Variants in IER5 observed in about 807,000 individuals in gnomAD.
IER5 encodes immediate early response gene 5 protein.
In IER5, 3 loss-of-function variants were observed where a neutral mutation model predicts 8.2. The ratio of observed to expected loss-of-function variants is 0.36; its 90% CI spans 0.17 to 0.94. IER5 has a LOEUF of 0.94. Among genes scored for constraint, IER5 ranks in the 40% least tolerant of loss-of-function variants. IER5 has a pLI of 0.43. For missense variants in IER5, 531 were observed against 494.3 expected, an observed-to-expected ratio of 1.07 and a Z score of -0.70; for synonymous variants, 286 against 230.1, an observed-to-expected ratio of 1.24 and a Z score of -2.20.
chr1:181,088,778 G>C lies in IER5; in HGVS notation c.-125G>C, dbSNP rs577110268. On this transcript the variant is annotated 5_prime_UTR_variant, in exon 1 of 1. Transcript: ENST00000367577. ...GAGCAGCGCGCGCGTCACCAGAGTC[G>C]TTTCTCTTCGGAGTCTTAGGTGATC... The C allele has an allele frequency of 8.2e-5, 60 of 736,180 alleles. 2 individuals are homozygous for C. The East Asian group carries it at 1.9e-3, about 24-fold the overall frequency. The allele number at this position is 736,180 out of a possible 1,614,324, so 45.6% of individuals were successfully genotyped here. A position where few individuals can be genotyped will look rare whatever the true frequency, so the allele number is the denominator to read the frequency against.
rs1293551911 is a variant in IER5, at chr1:181,089,479, C to A, written c.577C>A (p.Pro193Thr). 9 of 1,344,610 alleles carry A rather than the reference C, an allele frequency of 6.7e-6. No individual in the cohort carries two copies. The highest frequency in any genetic ancestry group is 7.6e-6 in the Non-Finnish European group (8 of 1,047,300). 83.3% of individuals were successfully genotyped at this position (1,344,610 alleles called of 1,614,324 possible). ...CCCGCCGGGTACACCGGCCGCGACC[C>A]CCCGCGCTGCCTGCTGCTGCGCGCC... ...EDPPGTPAAT[P>T]RAACCCAPQP... Residue 193 changes from proline to threonine, a missense_variant, in exon 1 of 1, where the codon CCC becomes ACC. By Grantham distance (38) the Pro-to-Thr change is conservative. Coordinates refer to ENST00000367577, the MANE Select transcript of IER5 (RefSeq NM_016545.5).
Position 181,089,427 on chromosome 1 carries a change from C to T in IER5, c.525C>T (p.Pro175=), listed in dbSNP as rs1282723710. The T allele has an allele frequency of 8.6e-6, 12 of 1,402,108 alleles. No individual in the cohort carries two copies. The highest frequency in any genetic ancestry group is 1.1e-5 in the Non-Finnish European group (12 of 1,076,862). 86.9% of individuals were successfully genotyped at this position (1,402,108 alleles called of 1,614,324 possible). Residue 175 remains proline, a synonymous_variant, in exon 1 of 1, where the codon CCC becomes CCT. Transcript: ENST00000367577. ...FPEVSRAARR[P]CGCPLGGEDP... ...AGGTATCTCGTGCCGCGCGCCGCCC[C>T]TGCGGCTGCCCCCTAGGCGGGGAGG...
chr1:181,090,177 A>C lies in IER5; in HGVS notation c.*291A>C. 9.0e-6 allele frequency: 4 copies of C among 444,638 alleles called. No homozygotes were observed. Among genetic ancestry groups the C allele is most frequent in the Non-Finnish European group, 1.7e-5 (4 of 242,198 alleles). 27.5% of individuals were successfully genotyped at this position (444,638 alleles called of 1,614,324 possible). A position where few individuals can be genotyped will look rare whatever the true frequency, so the allele number is the denominator to read the frequency against. ...CTATTTTGCTCTTCTGGAATGCACC[A>C]CTCCTTCCCCAGGGTTTAAGAGATT... is the stretch of plus-strand genomic sequence containing the variant. On this transcript the variant is annotated 3_prime_UTR_variant, in exon 1 of 1. Coordinates refer to ENST00000367577, the MANE Select transcript of IER5 (RefSeq NM_016545.5).
Position 181,089,830 on chromosome 1 carries a change from G to C in IER5, c.928G>C (p.Asp310His). 6.2e-7 allele frequency: 1 copy of C among 1,613,706 alleles called. No homozygotes were observed. The highest frequency in any genetic ancestry group is 8.5e-7 in the Non-Finnish European group (1 of 1,179,928). ...EAAEPGQICC[D>H]KPVLRDMNPW... ...CGCCGAGCCCGGGCAGATCTGCTGCGATAAGCCGGTGCTGAGAGACATGAA... is the reference window on the plus strand; with the variant it reads ...CGCCGAGCCCGGGCAGATCTGCTGCCATAAGCCGGTGCTGAGAGACATGAA... Residue 310 changes from aspartate (D) to histidine (H), a missense_variant, in exon 1 of 1, where the codon GAT (aspartate) becomes CAT (histidine). Asp to His is a moderately conservative substitution (Grantham distance 81, BLOSUM62 -1). Transcript: ENST00000367577.
At position 181,089,528 on chromosome 1, in the gene IER5, C is replaced by T. The variant is rs1322669156; in HGVS notation, c.626C>T (p.Pro209Leu). Residue 209 changes from proline (P) to leucine (L), a missense_variant, in exon 1 of 1, where the codon CCC (proline) becomes CTC (leucine). Transcript: ENST00000367577. The part of the protein sequence containing the change: ...CAPQPAEDEP[P>L]APPAVCPRKR... The stretch of plus-strand genomic sequence containing the variant: ...CCGCAACCAGCGGAGGACGAGCCCC[C>T]CGCGCCGCCCGCGGTGTGCCCCAGG... 2 of 1,279,020 alleles carry T rather than the reference C, an allele frequency of 1.6e-6. No homozygotes were observed. Among genetic ancestry groups the T allele is most frequent in the African/African-American group, 1.6e-5 (1 of 63,724 alleles). 79.2% of individuals were successfully genotyped at this position (1,279,020 alleles called of 1,614,324 possible).
Position 181,091,798 on chromosome 1 carries a change from A to T in IER5, c.*1912A>T, listed in dbSNP as rs1236439909. ...AAAAGATGGGAGAGATTGAAGAAAG[A>T]CAAAGGTTTAAAGGTCATAGCCTTC... On this transcript the variant is annotated 3_prime_UTR_variant, in exon 1 of 1. Transcript: ENST00000367577. The T allele has an allele frequency of 2.6e-5, 4 of 152,236 alleles. No individual in the cohort carries two copies. Among genetic ancestry groups the T allele is most frequent in the Non-Finnish European group, 4.4e-5 (3 of 68,038 alleles). 9.4% of individuals were successfully genotyped at this position (152,236 alleles called of 1,614,324 possible).
In IER5 at chr1:181,090,216, G is replaced by A. The variant is rs1394078042; in HGVS notation, c.*330G>A. On this transcript the variant is annotated 3_prime_UTR_variant, in exon 1 of 1. Transcript: ENST00000367577. ...GTTTAAGAGATTGGGGGCAGACAGG[G>A]ACTTTCCTCTGCCGGCTGCGTGGAG... The A allele has an allele frequency of 3.3e-5, 11 of 337,846 alleles. No homozygotes were observed. Among genetic ancestry groups the A allele is most frequent in the Non-Finnish European group, 5.1e-5 (9 of 175,468 alleles). The allele number at this position is 337,846 out of a possible 1,614,324, so 20.9% of individuals were successfully genotyped here. A position where few individuals can be genotyped will look rare whatever the true frequency, so the allele number is the denominator to read the frequency against.
chr1:181,089,352 G>C lies in IER5; in HGVS notation c.450G>C (p.Ala150=). 6.6e-7 allele frequency: 1 copy of C among 1,517,052 alleles called. No homozygotes were observed. The highest frequency in any genetic ancestry group is 8.8e-7 in the Non-Finnish European group (1 of 1,133,532). The allele number at this position is 1,517,052 out of a possible 1,614,324, so 94.0% of individuals were successfully genotyped here. A position where few individuals can be genotyped will look rare whatever the true frequency, so the allele number is the denominator to read the frequency against. ...AWSRVEGPRQ[A]AAREAEGTAG... ...GCCGCGTGGAGGGGCCGCGCCAGGC[G>C]GCGGCCAGAGAAGCCGAGGGTACCG... The change falls in exon 1 of 1, where the codon GCG becomes GCC. Residue 150 remains alanine, a synonymous_variant. Transcript: ENST00000367577.
Position 181,092,396 on chromosome 1 carries a change from A to G in IER5, c.*2510A>G, listed in dbSNP as rs1241133869. On this transcript the variant is annotated 3_prime_UTR_variant, in exon 1 of 1. Coordinates refer to ENST00000367577, the MANE Select transcript of IER5 (RefSeq NM_016545.5). ...TCATTCTCTTTTTTGTTGCAGAAGC[A>G]GTATAGTATAGTAGTTAGAGCATGG... 6.6e-6 allele frequency: 1 copy of G among 151,660 alleles called. No individual in the cohort carries two copies. The highest frequency in any genetic ancestry group is 1.5e-5 in the Non-Finnish European group (1 of 67,984). 9.4% of individuals were successfully genotyped at this position (151,660 alleles called of 1,614,324 possible). A position where few individuals can be genotyped will look rare whatever the true frequency, so the allele number is the denominator to read the frequency against.
chr1:181,088,863 G>A lies in IER5; in HGVS notation c.-40G>A, dbSNP rs771353029. The A allele has an allele frequency of 1.4e-6, 2 of 1,459,570 alleles. No homozygotes were observed. The highest frequency in any genetic ancestry group is 1.8e-6 in the Non-Finnish European group (2 of 1,082,266). 90.4% of individuals were successfully genotyped at this position (1,459,570 alleles called of 1,614,324 possible). On this transcript the variant is annotated 5_prime_UTR_variant, in exon 1 of 1. In the 5' UTR this introduces an upstream ATG that the reference lacks. Coordinates refer to ENST00000367577, the MANE Select transcript of IER5 (RefSeq NM_016545.5). The stretch of plus-strand genomic sequence containing the variant: ...TCCCGTTCCCTCCCAATTTCCAAAC[G>A]TGTCACCCCGGCGCCGACGGCCCTG...
chr1:181,088,990 C>G lies in IER5; in HGVS notation c.88C>G (p.Leu30Val). ...NSRVQRGGIK[L>V]HKNLLVSLVL... ...GCGGGTCCAGCGCGGCGGCATCAAG[C>G]TGCATAAGAACCTCCTGGTCTCGCT... Residue 30 changes from leucine to valine, a missense_variant, in exon 1 of 1, where the codon CTG (leucine) becomes GTG (valine). Coordinates refer to ENST00000367577, the MANE Select transcript of IER5 (RefSeq NM_016545.5). 1 of 1,613,676 alleles carries G rather than the reference C, an allele frequency of 6.2e-7. No individual in the cohort carries two copies. Among genetic ancestry groups the G allele is most frequent in the Non-Finnish European group, 8.5e-7 (1 of 1,179,924 alleles).
rs768502685 is a variant in IER5 at position 181,089,191 on chromosome 1, G to C, written c.289G>C (p.Glu97Gln). Reference sequence around the variant, plus strand: ...GCCCGCCGCTCGTGCCTCTTGGCCGGAGACCGAGCCGCAGCCGGAGCGCTC... The same window carrying C: ...GCCCGCCGCTCGTGCCTCTTGGCCGCAGACCGAGCCGCAGCCGGAGCGCTC... Reference protein sequence around the residue: ...PPPAARASWPETEPQPERSSV... With the variant: ...PPPAARASWPQTEPQPERSSV... Residue 97 changes from glutamate (E) to glutamine (Q), a missense_variant, in exon 1 of 1, where the codon GAG becomes CAG. By Grantham distance (29) the Glu-to-Gln change is conservative (BLOSUM62 2). Coordinates refer to ENST00000367577, the MANE Select transcript of IER5 (RefSeq NM_016545.5). 1 of 1,524,756 alleles carries C rather than the reference G, an allele frequency of 6.6e-7. No individual in the cohort carries two copies. The highest frequency in any genetic ancestry group is 8.8e-7 in the Non-Finnish European group (1 of 1,138,290). 94.5% of individuals were successfully genotyped at this position (1,524,756 alleles called of 1,614,324 possible). A position where few individuals can be genotyped will look rare whatever the true frequency, so the allele number is the denominator to read the frequency against.
rs1472347142 is a variant in IER5, at chr1:181,090,775, T to A, written c.*889T>A. 6.0e-6 allele frequency: 1 copy of A among 165,696 alleles called. No homozygotes were observed. Among genetic ancestry groups the A allele is most frequent in the Admixed American group, 6.5e-5 (1 of 15,290 alleles). The allele number at this position is 165,696 out of a possible 1,614,324, so 10.3% of individuals were successfully genotyped here. A position where few individuals can be genotyped will look rare whatever the true frequency, so the allele number is the denominator to read the frequency against. The stretch of plus-strand genomic sequence containing the variant: ...TTGTACAGTATTTTCTCCTTCGTTG[T>A]ATTGATTTTTGTATAAAAATGTAAC... On this transcript the variant is annotated 3_prime_UTR_variant, in exon 1 of 1. Transcript: ENST00000367577.
At position 181,092,899 on chromosome 1, in the gene IER5, G is replaced by A. The variant is rs147628599; in HGVS notation, c.*3013G>A. The stretch of plus-strand genomic sequence containing the variant: ...AGAATGGAGAATCTATTTTTAAGTG[G>A]TCCTATGTGTGAATGCTGGGTTCTT... On this transcript the variant is annotated 3_prime_UTR_variant, in exon 1 of 1. Transcript: ENST00000367577. 6.6e-6 allele frequency: 1 copy of A among 152,206 alleles called. No individual in the cohort carries two copies. The highest frequency in any genetic ancestry group is 1.5e-5 in the Non-Finnish European group (1 of 68,044). 9.4% of individuals were successfully genotyped at this position (152,206 alleles called of 1,614,324 possible). A position where few individuals can be genotyped will look rare whatever the true frequency, so the allele number is the denominator to read the frequency against.
At position 181,089,826 on chromosome 1, in the gene IER5, C is replaced by T. The variant is rs758533168; in HGVS notation, c.924C>T (p.Cys308=). 32 of 1,613,672 alleles carry T rather than the reference C, an allele frequency of 2.0e-5. No homozygotes were observed. The South Asian group carries it at 3.1e-4, about 16-fold the overall frequency. The change falls in exon 1 of 1, where the codon TGC becomes TGT. Residue 308 remains cysteine (C), a synonymous_variant. Transcript: ENST00000367577. ...AAGCCGCCGAGCCCGGGCAGATCTG[C>T]TGCGATAAGCCGGTGCTGAGAGACA... ...GPEAAEPGQI[C]CDKPVLRDMN...
Position 181,089,581 on chromosome 1 carries a change from G to A in IER5, c.679G>A (p.Gly227Ser). 6.4e-7 allele frequency: 1 copy of A among 1,556,880 alleles called. No individual in the cohort carries two copies. The highest frequency in any genetic ancestry group is 8.7e-7 in the Non-Finnish European group (1 of 1,151,918). ...GCGCTGCGCGGCGGGGGTGGGCGGC[G>A]GCCCAGCGGGCTGCCCGGCGCCCGG... ...RKRCAAGVGGGPAGCPAPGST... is the reference protein window; with the variant it reads ...RKRCAAGVGGSPAGCPAPGST... The change falls in exon 1 of 1, where the codon GGC becomes AGC. Residue 227 changes from glycine (G) to serine (S), a missense_variant. Coordinates refer to ENST00000367577, the MANE Select transcript of IER5 (RefSeq NM_016545.5).
rs772519245 is a variant in IER5, at chr1:181,089,677, G to A, written c.775G>A (p.Glu259Lys). The change falls in exon 1 of 1, where the codon GAG (glutamate) becomes AAG (lysine). Residue 259 changes from glutamate to lysine, a missense_variant. By Grantham distance (56) the Glu-to-Lys change is moderately conservative. Transcript: ENST00000367577. ...GAGTGGAGGAGAGGACGACGACGCG[G>A]AGGAGATGGAGACCGGGAACGTGGC... is the stretch of plus-strand genomic sequence containing the variant. ...PPSGGEDDDAEEMETGNVANL... is the reference protein window; with the variant it reads ...PPSGGEDDDAKEMETGNVANL... 7 of 1,613,254 alleles carry A rather than the reference G, an allele frequency of 4.3e-6. No homozygotes were observed. The highest frequency in any genetic ancestry group is 2.7e-5 in the African/African-American group (2 of 74,936).
Position 181,089,117 on chromosome 1 carries a change from C to G in IER5, c.215C>G (p.Pro72Arg). The G allele has an allele frequency of 2.1e-6, 3 of 1,415,944 alleles. No homozygotes were observed. Among genetic ancestry groups the G allele is most frequent in the South Asian group, 1.5e-5 (1 of 65,056 alleles). 87.7% of individuals were successfully genotyped at this position (1,415,944 alleles called of 1,614,324 possible). A position where few individuals can be genotyped will look rare whatever the true frequency, so the allele number is the denominator to read the frequency against. ...GTPAPPPQQQ[P>R]GEPAAGPPAG... ...CCGGCGCCGCCACCGCAGCAGCAGC[C>G]CGGGGAGCCGGCGGCCGGGCCACCC... The change falls in exon 1 of 1, where the codon CCC (proline) becomes CGC (arginine). Residue 72 changes from proline to arginine, a missense_variant. Pro to Arg is a moderately radical substitution (Grantham distance 103). Transcript: ENST00000367577.
At position 181,089,315 on chromosome 1, in the gene IER5, A is replaced by T. The variant is rs2102433066; in HGVS notation, c.413A>T (p.Glu138Val). 1 of 1,549,150 alleles carries T rather than the reference A, an allele frequency of 6.5e-7. No individual in the cohort carries two copies. The highest frequency in any genetic ancestry group is 8.7e-7 in the Non-Finnish European group (1 of 1,150,898). Residue 138 changes from glutamate to valine, a missense_variant, in exon 1 of 1, where the codon GAA becomes GTA. Physicochemically the swap from Glu to Val is moderately radical, Grantham distance 121 (BLOSUM62 -2). Coordinates refer to ENST00000367577, the MANE Select transcript of IER5 (RefSeq NM_016545.5). ...VFQGGEADAT[E>V]AAWSRVEGPR... ...CAGGGCGGAGAGGCGGACGCGACGG[A>T]AGCTGCCTGGAGCCGCGTGGAGGGG...
Sources: gnomAD v4.1 joint callset for allele counts on GRCh38, gnomAD v4.1.1 for gene constraint, MANE v1.5 for transcripts, NCBI Gene and HGNC (gene_info 2026-07-23, HGNC 2026-07-21) for gene names.